Variants in MGA observed in about 807,000 individuals in gnomAD.
MGA encodes the protein MAX dimerization protein MGA, also known as MAX gene-associated protein.
Under a neutral mutation model 261.1 loss-of-function variants are expected in MGA, and 40 were observed. The observed-to-expected ratio is 0.15, with a 90% confidence interval of 0.12 to 0.20. MGA has a LOEUF of 0.20. Ranked by LOEUF, MGA falls within the 10% of genes least tolerant of loss-of-function variation. The pLI is 1.00. For synonymous variants in MGA, 1,302 were observed against 1,290.6 expected, an observed-to-expected ratio of 1.01 and a Z score of -0.19; for missense variants, 3,397 against 3,630.5, an observed-to-expected ratio of 0.94 and a Z score of 1.65.
Position 41,713,420 on chromosome 15 carries a change from A to G in MGA, c.3354A>G (p.Ala1118=). 1.3e-6 allele frequency: 2 copies of G among 1,583,256 alleles called. No individual in the cohort carries two copies. Among genetic ancestry groups the G allele is most frequent in the Non-Finnish European group, 1.7e-6 (2 of 1,163,470 alleles). Residue 1118 remains alanine (A), a synonymous_variant, in exon 9 of 24, where the codon GCA becomes GCG. Coordinates refer to ENST00000219905, the MANE Select transcript of MGA (RefSeq NM_001164273.2). ...TTTATGATACTCTGGGAGAGGAGGCAAGGGAGGAGGAAGAAGGAATCAGGG... is the reference window on the plus strand; with the variant it reads ...TTTATGATACTCTGGGAGAGGAGGCGAGGGAGGAGGAAGAAGGAATCAGGG...
intron 9 of MGA, among the ~76,000 whole-genome samples, chr15:41,720,496 C>T (rs1452524667): frequency 6.6e-6 from 1 of 152,078 alleles, no homozygotes; most frequent in Non-Finnish European, 1.5e-5. Flanking sequence ...GATAGTGCCA[C>T]TGCACTCCAG....
chr15:41,626,375 C>T (rs1307221810), intron 1 of MGA, among the ~76,000 whole-genome samples: 1 of 150,990 alleles, frequency 6.6e-6, no homozygotes, highest in Non-Finnish European at 1.5e-5. Context: ...GTCTTAGCCT[C>T]CCAAGTAGCT....
intron 1 of MGA, among the ~76,000 whole-genome samples, chr15:41,629,675 G>C (rs867023909): frequency 1.3e-5 from 2 of 151,318 alleles, no homozygotes; most frequent in African/African-American, 4.9e-5. Flanking sequence ...GCTACAATGA[G>C]CCATGATCAT....
intron 5 of MGA, among the ~76,000 whole-genome samples, chr15:41,702,714 C>A (rs1331160668): frequency 6.6e-6 from 1 of 152,098 alleles, no homozygotes; most frequent in Non-Finnish European, 1.5e-5. Flanking sequence ...TTCCGTGGTA[C>A]TATATTTTTG....
At chr15:41,706,747 T>C (rs1193518999) in intron 5 of MGA, among the ~76,000 whole-genome samples, 1 of 152,030 alleles carries the variant, frequency 6.6e-6, no homozygotes, top group Non-Finnish European at 1.5e-5. Context: ...GCTAATTTTG[T>C]ACTTGTAGTA....
intron 1 of MGA, among the ~76,000 whole-genome samples, chr15:41,654,592 A>T (rs2057127913): frequency 6.6e-6 from 1 of 152,160 alleles, no homozygotes; most frequent in Non-Finnish European, 1.5e-5. Context: ...ATGCATTTGT[A>T]AACAATTTTC....
chr15:41,739,718 C>G (rs968372482), intron 13 of MGA, among the ~76,000 whole-genome samples, 188 bp from the exon 14 acceptor site: 1 of 152,164 alleles, frequency 6.6e-6, no homozygotes, highest in Non-Finnish European at 1.5e-5. Flanking sequence ...TTCAGAATAT[C>G]AGTTGACAGC....
chr15:41,750,073 C>G lies in MGA; in HGVS notation c.6466C>G (p.Pro2156Ala). 1.9e-6 allele frequency: 3 copies of G among 1,613,126 alleles called. No homozygotes were observed. The South Asian group carries it at 3.3e-5, about 18-fold the overall frequency. ...TATGGAGCAGCAATCTAATCTACAG[C>G]CAGAGGCCAAAGAGAAGGAATGTGG... is the stretch of plus-strand genomic sequence containing the variant. The change falls in exon 17 of 24, where the codon CCA becomes GCA. Residue 2156 changes from proline (P) to alanine (A), a missense_variant. By Grantham distance (27) the Pro-to-Ala change is conservative. This residue lies in a region of MGA where 1,410 missense variants were observed against 1,386.4 expected (regional missense o/e 1.02). Transcript: ENST00000219905.
At chr15:41,664,358 T>G (rs1207454548) in intron 1 of MGA, among the ~76,000 whole-genome samples, 2 of 152,254 alleles carry the variant, frequency 1.3e-5, no homozygotes, top group Non-Finnish European at 2.9e-5. Context: ...ACTGGGTTTT[T>G]GTCAACTGCA....
intron 10 of MGA, among the ~76,000 whole-genome samples, chr15:41,728,560 AAAT>A (rs1318282597): frequency 6.6e-6 from 1 of 152,222 alleles, no homozygotes; most frequent in African/African-American, 2.4e-5. Flanking sequence ...GTTACTAAGA[AAAT>A]AATAAGGGAA....
chr15:41,746,397 A>G (rs1456053916), intron 15 of MGA, among the ~76,000 whole-genome samples: 1 of 152,048 alleles, frequency 6.6e-6, no homozygotes, highest in African/African-American at 2.4e-5. Context: ...AAAAAAAATT[A>G]GCCGGATGTG....
At chr15:41,735,376 A>G (rs2061715569) in intron 12 of MGA, among the ~76,000 whole-genome samples, 2 of 152,236 alleles carry the variant, frequency 1.3e-5, no homozygotes, top group African/African-American at 4.8e-5. Flanking sequence ...TGGAGCAATC[A>G]TATCTAGAAG....
chr15:41,756,980 GATATAT>G (rs10649888), intron 18 of MGA, among the ~76,000 whole-genome samples: 1 of 149,812 alleles, frequency 6.7e-6, no homozygotes, highest in African/African-American at 2.4e-5. Context: ...TTTTTGTTTA[GATATAT>G]ATATATATAT....
intron 1 of MGA, among the ~76,000 whole-genome samples, chr15:41,650,452 T>C (rs1169433968): frequency 6.6e-6 from 1 of 152,152 alleles, no homozygotes; most frequent in African/African-American, 2.4e-5. Context: ...ATTTTAATTT[T>C]TTTTTGAGAC....
chr15:41,708,216 G>GT lies in MGA; in HGVS notation c.2425+14dup, dbSNP rs1246248499. 6.5e-7 allele frequency: 1 copy of GT among 1,542,472 alleles called. No individual in the cohort carries two copies. Among genetic ancestry groups the GT allele is most frequent in the Non-Finnish European group, 8.8e-7 (1 of 1,140,754 alleles). On this transcript the variant is annotated intron_variant, in intron 7 of 23. Coordinates refer to ENST00000219905, the MANE Select transcript of MGA (RefSeq NM_001164273.2). ...CTGCATCTAGGAATGAAGGTAATTA[G>GT]TTTTTTAAAATTTTTTAAATGTTCT...
intron 2 of MGA, among the ~76,000 whole-genome samples, chr15:41,691,901 CTT>C (rs564632269): frequency 1.1e-4 from 16 of 147,468 alleles, no homozygotes; most frequent in Non-Finnish European, 1.8e-4. Context: ...CTAGATATGA[CTT>C]TTTTTTTTTC....
chr15:41,639,476 C>G (rs1566927402), intron 1 of MGA, among the ~76,000 whole-genome samples: 1 of 151,122 alleles, frequency 6.6e-6, no homozygotes, highest in Non-Finnish European at 1.5e-5. Context: ...TTGGATCCCC[C>G]TATCTAATTA....
chr15:41,742,442 A>G (rs1483083792), intron 14 of MGA, 104 bp from the exon 15 acceptor site: 11 of 1,354,854 alleles, frequency 8.1e-6, no homozygotes, highest in Non-Finnish European at 1.1e-5. Flanking sequence ...TAGTACCTGT[A>G]AGAAATTGAC....
chr15:41,720,975 C>T (rs1437061714), intron 9 of MGA, among the ~76,000 whole-genome samples: 1 of 152,124 alleles, frequency 6.6e-6, no homozygotes, highest in Non-Finnish European at 1.5e-5. Flanking sequence ...AAAATAGAAA[C>T]TTTATTCGTT....
Sources: allele counts gnomAD v4.1 joint callset (sites outside exome capture counted in the v4.1 genomes callset), GRCh38; gene constraint gnomAD v4.1.1; regional missense constraint gnomAD v4.1.1; transcripts MANE v1.5; gene names NCBI Gene and HGNC (gene_info 2026-07-23, HGNC 2026-07-21).